Variants in MCC observed in about 807,000 individuals in gnomAD.
The protein encoded by MCC is colorectal mutant cancer protein.
Under a neutral mutation model 116.2 loss-of-function variants are expected in MCC, and 90 were observed. The observed-to-expected ratio is 0.77, with a 90% CI of 0.65 to 0.92. The LOEUF is 0.92. MCC is among the 40% of genes least tolerant of loss of function. The probability of loss-of-function intolerance (pLI) is 0.00; values close to 1 mark genes in which losing one functional copy is unlikely to be tolerated. For synonymous variants in MCC, 578 were observed against 510.5 expected, an observed-to-expected ratio of 1.13 and a Z score of -1.78; for missense variants, 1,516 against 1,312.2, an observed-to-expected ratio of 1.16 and a Z score of -2.40.
intron 1 of MCC, among the ~76,000 whole-genome samples, chr5:113,430,755 C>T (rs1484390268): frequency 6.6e-6 from 1 of 152,040 alleles, no homozygotes; most frequent in Admixed American, 6.6e-5. Context: ...GAAGCTGGTA[C>T]AGAGGTCAGA....
At chr5:113,093,358 G>C (rs1439260590) in intron 8 of MCC, among the ~76,000 whole-genome samples, 1 of 152,130 alleles carries the variant, frequency 6.6e-6, no homozygotes. Context: ...GGATCGCTTA[G>C]CTTAGAATTC....
intron 3 of MCC, among the ~76,000 whole-genome samples, chr5:113,226,795 GTGGTATTATTTATCA>G (rs1424986150): frequency 1.3e-5 from 2 of 152,172 alleles, no homozygotes; most frequent in East Asian, 3.8e-4. Context: ...TGTTTTATCT[GTGGTATTATTTATCA>G]CTGGGTGAAG....
chr5:113,447,144 C>T (rs983566721), intron 1 of MCC, among the ~76,000 whole-genome samples: 3 of 152,088 alleles, frequency 2.0e-5, no homozygotes, highest in African/African-American at 7.2e-5. Flanking sequence ...TTTGTCTAAA[C>T]TGATCTTAGG....
chr5:113,096,080 T>G (rs1378937464), intron 8 of MCC, among the ~76,000 whole-genome samples: 1 of 152,188 alleles, frequency 6.6e-6, no homozygotes, highest in Non-Finnish European at 1.5e-5. Context: ...GAAGGGACAG[T>G]GCAGGGCAGG....
intron 3 of MCC, among the ~76,000 whole-genome samples, chr5:113,239,308 C>T (rs1051610781): frequency 3.3e-5 from 5 of 152,152 alleles, no homozygotes; most frequent in Non-Finnish European, 5.9e-5. Context: ...TGGAAACATC[C>T]AGTATACTGT....
chr5:113,226,852 G>C (rs1403293586), intron 3 of MCC, among the ~76,000 whole-genome samples: 1 of 152,142 alleles, frequency 6.6e-6, no homozygotes, highest in Non-Finnish European at 1.5e-5. Flanking sequence ...ACTCAGGCCT[G>C]AGTTCAAACT....
intron 5 of MCC, among the ~76,000 whole-genome samples, chr5:113,123,790 G>A (rs1348547640): frequency 6.6e-6 from 1 of 152,200 alleles, no homozygotes; most frequent in Non-Finnish European, 1.5e-5. Flanking sequence ...GATTTAACTG[G>A]GAGTGGAATG....
chr5:113,366,625 C>T (rs188618459), intron 2 of MCC, among the ~76,000 whole-genome samples: 131 of 152,150 alleles, frequency 8.6e-4, no homozygotes, highest in Non-Finnish European at 1.4e-3. Context: ...TTCCCAGAGT[C>T]CATAAGGTCA....
chr5:113,130,049 GGCACTATTCA>G (rs1195466883), intron 5 of MCC, among the ~76,000 whole-genome samples: 1 of 152,072 alleles, frequency 6.6e-6, no homozygotes, highest in African/African-American at 2.4e-5. Context: ...TGTTTATTGT[GGCACTATTCA>G]GAATAGCAAA....
intron 2 of MCC, among the ~76,000 whole-genome samples, chr5:113,369,976 TAAA>T: frequency 6.6e-6 from 1 of 152,186 alleles, no homozygotes; most frequent in African/African-American, 2.4e-5. Context: ...CTGATAAGAC[TAAA>T]CATATTCTCT....
At chr5:113,471,134 T>G (rs1312438488) in intron 1 of MCC, among the ~76,000 whole-genome samples, 1 of 27,118 alleles carries the variant, frequency 3.7e-5, no homozygotes, top group Non-Finnish European at 6.5e-5. Flanking sequence ...AATTTCCTCC[T>G]GTAACTCAGT....
intron 3 of MCC, among the ~76,000 whole-genome samples, chr5:113,286,332 C>G (rs552868705): frequency 2.6e-5 from 4 of 152,222 alleles, no homozygotes; most frequent in Non-Finnish European, 5.9e-5. Flanking sequence ...TCAGAGGCCT[C>G]CATTCCTTTT....
chr5:113,465,800 G>A (rs1771885616), intron 1 of MCC, among the ~76,000 whole-genome samples: 1 of 152,124 alleles, frequency 6.6e-6, no homozygotes, highest in Admixed American at 6.5e-5. Context: ...GTTAAATAAT[G>A]TTATACCATA....
At chr5:113,472,334 T>C (rs1317952144) in intron 1 of MCC, among the ~76,000 whole-genome samples, 2 of 152,224 alleles carry the variant, frequency 1.3e-5, no homozygotes, top group Non-Finnish European at 1.5e-5. Flanking sequence ...GCATACTTCT[T>C]GCAACAAACT....
At chr5:113,441,706 C>G (rs1289622388) in intron 1 of MCC, among the ~76,000 whole-genome samples, 1 of 152,128 alleles carries the variant, frequency 6.6e-6, no homozygotes, top group African/African-American at 2.4e-5. Flanking sequence ...CCTGTGTCCA[C>G]ATGTTCTCAT....
At chr5:113,458,303 C>T (rs10052747) in intron 1 of MCC, among the ~76,000 whole-genome samples, 17,394 of 151,894 alleles carry the variant, frequency 0.11, 1,733 homozygotes, top group African/African-American at 0.27. Flanking sequence ...ATGAGCCCAC[C>T]GGGAGGAAGG....
chr5:113,403,727 C>T (rs1223850644), intron 1 of MCC, among the ~76,000 whole-genome samples: 3 of 152,100 alleles, frequency 2.0e-5, no homozygotes, highest in African/African-American at 7.2e-5. Context: ...GCTGTAAGCC[C>T]CCAGCGGGAT....
chr5:113,101,547 T>C (rs1756409955), intron 8 of MCC, 192 bp downstream of exon 8: 1 of 587,502 alleles, frequency 1.7e-6, no homozygotes, highest in Non-Finnish European at 3.0e-6. Context: ...TTGCTTTTTT[T>C]TTTTAAATCT....
In MCC at chr5:113,114,615, C is replaced by T. The variant is rs77929697; in HGVS notation, c.1027+8069G>A. On this transcript the variant is annotated intron_variant, in intron 6 of 18. Transcript: ENST00000408903. Reference sequence around the variant, plus strand: ...CCTATACCCATAAAAACTCTGACCCCACTGGCAGAGAGCAGAGAAGGGAAG... The same window carrying T: ...CCTATACCCATAAAAACTCTGACCCTACTGGCAGAGAGCAGAGAAGGGAAG... Among the ~76,000 whole-genome samples, 674 of 152,284 alleles carry T rather than the reference C, an allele frequency of 4.4e-3. 8 individuals are homozygous for T. Among genetic ancestry groups the T allele is most frequent in the African/African-American group, 0.016 (647 of 41,552 alleles).
Sources: gnomAD v4.1 joint callset for allele counts (sites outside exome capture counted in the v4.1 genomes callset) on GRCh38, gnomAD v4.1.1 for gene constraint, MANE v1.5 for transcripts, NCBI Gene and HGNC (gene_info 2026-07-23, HGNC 2026-07-21) for gene names.